The following GAREM1 variants were observed in gnomAD, a reference collection of about 807,000 sequenced individuals.
GAREM1 encodes GRB2 associated regulator of MAPK1 subtype 1.
A neutral mutation model predicts 71.3 loss-of-function variants in GAREM1; 26 were observed. The observed-to-expected ratio is 0.36, with a 90% CI of 0.27 to 0.51. GAREM1 has a LOEUF of 0.51. Among genes scored for constraint, GAREM1 ranks in the 20% least tolerant of loss-of-function variants. GAREM1 has a pLI of 0.95. For synonymous variants in GAREM1, 440 were observed against 433.2 expected (o/e 1.02, Z -0.20); for missense variants, 1,026 against 1,103.1 (o/e 0.93, Z 0.99).
At chr18:32,348,632 G>C (rs539090833) in intron 2 of GAREM1, among the ~76,000 whole-genome samples, 60 of 152,236 alleles carry the variant, frequency 3.9e-4, no homozygotes, top group Non-Finnish European at 6.5e-4. Flanking sequence ...GCTGAGGCAG[G>C]AGAATCGTTT....
chr18:32,405,891 T>C (rs1331330465), intron 1 of GAREM1, among the ~76,000 whole-genome samples: 1 of 152,214 alleles, frequency 6.6e-6, no homozygotes, highest in Admixed American at 6.5e-5. Context: ...AGAAATACCA[T>C]TCTACTGTGA....
At chr18:32,387,891 C>T (rs1380920558) in intron 2 of GAREM1, among the ~76,000 whole-genome samples, 2 of 152,112 alleles carry the variant, frequency 1.3e-5, no homozygotes, top group African/African-American at 2.4e-5. Flanking sequence ...AGTTTTATTG[C>T]TTTCCAAAAT....
chr18:32,297,964 T>C (rs1487044209), intron 3 of GAREM1, among the ~76,000 whole-genome samples: 1 of 152,186 alleles, frequency 6.6e-6, no homozygotes, highest in Admixed American at 6.5e-5. Context: ...TAAGAAATGA[T>C]AAGTCTAGTG....
intron 1 of GAREM1, among the ~76,000 whole-genome samples, chr18:32,423,548 A>C (rs955687854): frequency 1.3e-5 from 2 of 152,214 alleles, no homozygotes; most frequent in African/African-American, 4.8e-5. Context: ...GCAATAATTC[A>C]GGTTTTTCTT....
At chr18:32,291,662 C>T (rs1043994113) in intron 3 of GAREM1, among the ~76,000 whole-genome samples, 2 of 151,358 alleles carry the variant, frequency 1.3e-5, no homozygotes, top group Non-Finnish European at 2.9e-5. Flanking sequence ...CACCCCCCAA[C>T]AGGCCCCGGT....
At chr18:32,322,701 T>A (rs1015136809) in intron 2 of GAREM1, among the ~76,000 whole-genome samples, 1 of 152,226 alleles carries the variant, frequency 6.6e-6, no homozygotes, top group Non-Finnish European at 1.5e-5. Context: ...AGGTGCCTAA[T>A]AAATGATGGC....
chr18:32,305,600 AC>A, intron 3 of GAREM1, among the ~76,000 whole-genome samples: 1 of 152,224 alleles, frequency 6.6e-6, no homozygotes, highest in South Asian at 2.1e-4. Flanking sequence ...GCTCACTGGA[AC>A]CTCTGCCTCC....
At chr18:32,355,141 T>C (rs188169003) in intron 2 of GAREM1, among the ~76,000 whole-genome samples, 131 of 152,274 alleles carry the variant, frequency 8.6e-4, no homozygotes, top group African/African-American at 3.0e-3. Flanking sequence ...GGTATCAAGA[T>C]GGAAGAAAAA....
chr18:32,384,520 T>C (rs905349577), intron 2 of GAREM1, among the ~76,000 whole-genome samples: 1 of 152,192 alleles, frequency 6.6e-6, no homozygotes, highest in Non-Finnish European at 1.5e-5. Context: ...TGAACACCCA[T>C]ATACCTTTTA....
At chr18:32,446,416 A>G (rs1433344512) in intron 1 of GAREM1, among the ~76,000 whole-genome samples, 1 of 152,202 alleles carries the variant, frequency 6.6e-6, no homozygotes, top group Non-Finnish European at 1.5e-5. Flanking sequence ...CTATAAACAC[A>G]ATTTCCATAC....
At chr18:32,418,422 T>C (rs1470711946) in intron 1 of GAREM1, among the ~76,000 whole-genome samples, 1 of 152,146 alleles carries the variant, frequency 6.6e-6, no homozygotes, top group Non-Finnish European at 1.5e-5. Context: ...CACCTTGTTA[T>C]GGAATAGCCA....
At position 32,467,843 on chromosome 18, in the gene GAREM1, C is replaced by CA. The variant is rs906948728; in HGVS notation, c.121+2464dup. Among the ~76,000 whole-genome samples, 38 of 152,272 alleles carry CA rather than the reference C, an allele frequency of 2.5e-4. 1 individual carries two copies. The highest frequency in any genetic ancestry group is 8.2e-4 in the African/African-American group (34 of 41,540). ...AGGCAAACACAGGATGAGGACAACA[C>CA]AAAACTTAAGATTTCACCTATAACA... On this transcript the variant is annotated intron_variant, in intron 1 of 5. Transcript: ENST00000269209.
At chr18:32,443,089 C>T (rs1330256615) in intron 1 of GAREM1, among the ~76,000 whole-genome samples, 1 of 151,966 alleles carries the variant, frequency 6.6e-6, no homozygotes, top group Non-Finnish European at 1.5e-5. Context: ...GAAGATAAAA[C>T]AGCTAAGAAA....
chr18:32,322,560 G>GC (rs2047439636), intron 2 of GAREM1, among the ~76,000 whole-genome samples: 1 of 152,140 alleles, frequency 6.6e-6, no homozygotes, highest in African/African-American at 2.4e-5. Context: ...TTTTATCAAA[G>GC]CATGTATAGT....
chr18:32,386,171 G>A (rs534873207), intron 2 of GAREM1, among the ~76,000 whole-genome samples: 79 of 152,168 alleles, frequency 5.2e-4, no homozygotes, highest in Non-Finnish European at 1.0e-3. Flanking sequence ...TACACAAAGT[G>A]TTGTTCAACA....
chr18:32,345,419 ATCAT>A (rs1010535871), intron 2 of GAREM1, among the ~76,000 whole-genome samples: 5 of 152,206 alleles, frequency 3.3e-5, no homozygotes, highest in Non-Finnish European at 5.9e-5. Flanking sequence ...TGACAGAAAC[ATCAT>A]TCAATGATAA....
At chr18:32,347,497 G>A (rs541509930) in intron 2 of GAREM1, among the ~76,000 whole-genome samples, 43 of 152,206 alleles carry the variant, frequency 2.8e-4, no homozygotes, top group African/African-American at 9.9e-4. Flanking sequence ...GGAAGAAACT[G>A]GAGTTCATAT....
At chr18:32,348,340 G>T (rs918625222) in intron 2 of GAREM1, among the ~76,000 whole-genome samples, 1 of 152,144 alleles carries the variant, frequency 6.6e-6, no homozygotes, top group African/African-American at 2.4e-5. Context: ...GTGATTAAAA[G>T]AAAACTGTAG....
chr18:32,451,549 T>C (rs1056972552), intron 1 of GAREM1, among the ~76,000 whole-genome samples: 2 of 152,160 alleles, frequency 1.3e-5, no homozygotes, highest in African/African-American at 4.8e-5. Flanking sequence ...ATCCAGTTAT[T>C]AATCCTGGAA....
Sources: allele counts gnomAD v4.1 joint callset (sites outside exome capture counted in the v4.1 genomes callset), GRCh38; gene constraint gnomAD v4.1.1; transcripts MANE v1.5; gene names NCBI Gene and HGNC (gene_info 2026-07-23, HGNC 2026-07-21).